CFAP77: variants seen among roughly 807,000 people sequenced by gnomAD.
CFAP77 encodes the protein cilia- and flagella-associated protein 77.
A neutral mutation model predicts 31.1 loss-of-function variants in CFAP77; 25 were observed. That is an observed-to-expected ratio of 0.80 (90% confidence interval 0.59 to 1.12). The LOEUF is 1.12. CFAP77 is among the 50% of genes most tolerant of loss of function. The pLI, the probability that CFAP77 is intolerant of heterozygous loss-of-function variation, is 0.00. For missense variants in CFAP77, 377 were observed against 397.3 expected (o/e 0.95, Z 0.44); for synonymous variants, 151 against 159.9 (o/e 0.94, Z 0.42).
rs527253912 is a variant in CFAP77 at position 132,521,261 on chromosome 9, C to G, written c.525-16340C>G. Among the ~76,000 whole-genome samples the G allele has an allele frequency of 1.5e-4, 23 of 152,342 alleles. No individual in the cohort carries two copies. The East Asian group carries it at 1.9e-3, about 13-fold the overall frequency. ...CGTGTCCTCGGTGCTTGCACCCGTCCTGAAGGATATCGGGGCCACCCCACC... is the reference window on the plus strand; with the variant it reads ...CGTGTCCTCGGTGCTTGCACCCGTCGTGAAGGATATCGGGGCCACCCCACC... On this transcript the variant is annotated intron_variant, in intron 3 of 5. Coordinates refer to ENST00000393216, the MANE Select transcript of CFAP77 (RefSeq NM_001282957.2).
At chr9:132,561,477 T>TG (rs1270656768) in intron 5 of CFAP77, among the ~76,000 whole-genome samples, 7 of 151,996 alleles carry the variant, frequency 4.6e-5, no homozygotes, top group African/African-American at 1.7e-4. Context: ...GGGCGTCTGC[T>TG]GGCTCAGCTG....
chr9:132,506,279 G>A (rs1319496880), intron 3 of CFAP77, among the ~76,000 whole-genome samples: 5 of 152,170 alleles, frequency 3.3e-5, no homozygotes, highest in African/African-American at 9.7e-5. Context: ...TGCCACCCAA[G>A]GTCCGGAAAC....
At chr9:132,496,962 G>C (rs1851753079) in intron 1 of CFAP77, among the ~76,000 whole-genome samples, 1 of 152,232 alleles carries the variant, frequency 6.6e-6, no homozygotes, top group Non-Finnish European at 1.5e-5. Flanking sequence ...ATAGCTAAGA[G>C]TCACTGGCAT....
intron 1 of CFAP77, among the ~76,000 whole-genome samples, chr9:132,417,686 T>A (rs2131676890): frequency 6.6e-6 from 1 of 152,344 alleles, no homozygotes; most frequent in East Asian, 1.9e-4. Flanking sequence ...GAGGGTTCAG[T>A]GAGACAGTGC....
intron 4 of CFAP77, among the ~76,000 whole-genome samples, chr9:132,540,017 C>T (rs897259441): frequency 4.6e-5 from 7 of 152,076 alleles, no homozygotes; most frequent in African/African-American, 7.2e-5. Flanking sequence ...CTGCAACCTC[C>T]GCCTCCTGGG....
intron 5 of CFAP77, among the ~76,000 whole-genome samples, chr9:132,550,957 C>T (rs1244655166): frequency 6.6e-6 from 1 of 152,124 alleles, no homozygotes; most frequent in African/African-American, 2.4e-5. Flanking sequence ...GCTACAAACA[C>T]AGCCTGACTG....
At chr9:132,475,980 G>A (rs988341218) in intron 1 of CFAP77, among the ~76,000 whole-genome samples, 4 of 152,196 alleles carry the variant, frequency 2.6e-5, no homozygotes, top group Non-Finnish European at 4.4e-5. Flanking sequence ...ATCATTTGCC[G>A]CTGCCTGCAT....
intron 5 of CFAP77, among the ~76,000 whole-genome samples, chr9:132,567,923 T>C (rs763975190): frequency 5.3e-5 from 8 of 152,146 alleles, no homozygotes; most frequent in Non-Finnish European, 1.0e-4. Flanking sequence ...TCTAGGATGA[T>C]TTCATCTCGA....
chr9:132,514,746 G>T (rs1852116313), intron 3 of CFAP77, among the ~76,000 whole-genome samples: 1 of 152,148 alleles, frequency 6.6e-6, no homozygotes, highest in Admixed American at 6.6e-5. Flanking sequence ...TTTTATGTTG[G>T]ATCCACAAAC....
At chr9:132,432,634 C>A (rs1589846880) in intron 1 of CFAP77, among the ~76,000 whole-genome samples, 1 of 151,784 alleles carries the variant, frequency 6.6e-6, no homozygotes, top group South Asian at 2.1e-4. Flanking sequence ...CGGGTTCAAG[C>A]AATTCTCCTG....
At chr9:132,543,407 T>C (rs1271105461) in intron 5 of CFAP77, among the ~76,000 whole-genome samples, 6 of 152,082 alleles carry the variant, frequency 3.9e-5, no homozygotes, top group Admixed American at 6.6e-5. Flanking sequence ...TAGAGGAGGC[T>C]GTCCACCTGG....
At chr9:132,458,357 G>T (rs113669636) in intron 1 of CFAP77, among the ~76,000 whole-genome samples, 11,106 of 118,934 alleles carry the variant, frequency 0.093, 799 homozygotes, top group Middle Eastern at 0.12. Flanking sequence ...GAGGGGGGGG[G>T]GTGTGTATGG....
At chr9:132,516,334 T>A (rs2119006271) in intron 3 of CFAP77, among the ~76,000 whole-genome samples, 1 of 152,326 alleles carries the variant, frequency 6.6e-6, no homozygotes, top group East Asian at 1.9e-4. Flanking sequence ...CCAACGCTGA[T>A]CCTGAGTGAG....
intron 3 of CFAP77, among the ~76,000 whole-genome samples, chr9:132,530,254 C>T (rs1420987796): frequency 6.7e-5 from 10 of 149,898 alleles, no homozygotes; most frequent in Admixed American, 2.0e-4. Flanking sequence ...CCTGAGCCAC[C>T]GGGCTAGGCT....
In CFAP77 at chr9:132,498,812, G is replaced by T. The variant is rs1297410664; in HGVS notation, c.295+18G>T. The T allele has an allele frequency of 1.3e-6, 2 of 1,567,788 alleles. No homozygotes were observed. Among genetic ancestry groups the T allele is most frequent in the South Asian group, 2.3e-5 (2 of 87,928 alleles). On this transcript the variant is annotated intron_variant, in intron 2 of 5. Transcript: ENST00000393216. This position sits in a 1 kb window ranked among gnomAD's most constrained non-coding sequence, Gnocchi z 4.2. ...CCCTGAAGGTGAGCGAGCAGCTTTG[G>T]AGCATGAGGGCAGAGGAGTGGGAGG...
chr9:132,457,710 G>A (rs1257500301), intron 1 of CFAP77, among the ~76,000 whole-genome samples: 2 of 152,204 alleles, frequency 1.3e-5, no homozygotes, highest in African/African-American at 4.8e-5. Context: ...CGTTCCGCAC[G>A]CCACCTTGGT....
intron 3 of CFAP77, among the ~76,000 whole-genome samples, chr9:132,532,599 A>C (rs372932710): frequency 6.6e-6 from 1 of 152,342 alleles, no homozygotes; most frequent in East Asian, 1.9e-4. Context: ...ACGCAGAGTG[A>C]GAGGCTCGAG....
intron 3 of CFAP77, among the ~76,000 whole-genome samples, chr9:132,508,398 G>A (rs1308116634): frequency 2.0e-5 from 3 of 152,158 alleles, no homozygotes; most frequent in South Asian, 2.1e-4. Context: ...ATACATTCAA[G>A]GGAAGGTTCA....
intron 1 of CFAP77, among the ~76,000 whole-genome samples, chr9:132,483,501 C>T (rs1183639462): frequency 2.6e-5 from 4 of 152,244 alleles, no homozygotes; most frequent in South Asian, 2.1e-4. Flanking sequence ...GAGGCTGACG[C>T]GAACTGACAC....
Sources: allele counts gnomAD v4.1 joint callset (sites outside exome capture counted in the v4.1 genomes callset), GRCh38; gene constraint gnomAD v4.1.1; non-coding constraint Gnocchi (gnomAD v3.1); transcripts MANE v1.5; gene names NCBI Gene and HGNC (gene_info 2026-07-23, HGNC 2026-07-21).